ANKRD6: variants seen among roughly 807,000 people sequenced by gnomAD.
The protein encoded by ANKRD6 is ankyrin repeat domain 6.
ANKRD6 carries 56 observed loss-of-function variants against 82.3 expected under a neutral mutation model. The observed-to-expected ratio is 0.68, with a 90% CI of 0.55 to 0.85. The LOEUF (loss-of-function observed/expected upper bound fraction) is 0.85. Among genes scored for constraint, ANKRD6 ranks in the 40% least tolerant of loss-of-function variants. The pLI is 0.00. For synonymous variants in ANKRD6, 347 were observed against 352.1 expected (o/e 0.99, Z 0.16); for missense variants, 852 against 907.6 (o/e 0.94, Z 0.79).
rs146470559 is a variant in ANKRD6 at position 89,630,409 on chromosome 6, C to A, written c.1613-24C>A. 1,288 of 1,592,452 alleles carry A rather than the reference C, an allele frequency of 8.1e-4. 6 individuals are homozygous for A. The highest frequency in any genetic ancestry group is 2.6e-4 in the Non-Finnish European group (308 of 1,168,924). ...CTGTGTGAATGTGGATTTGCTCTCA[C>A]GTTTGTTTTCCTTCTGAAACCAGGT... On this transcript the variant is annotated intron_variant, in intron 15 of 15. Coordinates refer to ENST00000339746, the MANE Select transcript of ANKRD6 (RefSeq NM_001242809.2).
intron 15 of ANKRD6, among the ~76,000 whole-genome samples, chr6:89,629,934 G>A (rs535826174): frequency 3.9e-5 from 6 of 152,308 alleles, no homozygotes; most frequent in Non-Finnish European, 7.3e-5. Flanking sequence ...AGGGCTTGTC[G>A]TGGAGCTCTG....
At chr6:89,577,542 T>C (rs1791397785) in intron 2 of ANKRD6, among the ~76,000 whole-genome samples, 1 of 152,146 alleles carries the variant, frequency 6.6e-6, no homozygotes, top group Non-Finnish European at 1.5e-5. Context: ...GTGCCAAGCA[T>C]TGGCCATAAC....
rs1584032909 is a variant in ANKRD6 at position 89,631,030 on chromosome 6, G to T, written c.*26G>T. ...CACCAATAAAGAGGAAATATGAAAG[G>T]ATTCTTGAAGATTTCCAGTTTTGCA... On this transcript the variant is annotated 3_prime_UTR_variant, in exon 16 of 16. Transcript: ENST00000339746. 1 of 1,469,820 alleles carries T rather than the reference G, an allele frequency of 6.8e-7. No homozygotes were observed. The allele number at this position is 1,469,820 out of a possible 1,614,324, so 91.0% of individuals were successfully genotyped here.
At chr6:89,519,103 C>G (rs1172595881) in intron 1 of ANKRD6, among the ~76,000 whole-genome samples, 1 of 152,158 alleles carries the variant, frequency 6.6e-6, no homozygotes, top group Non-Finnish European at 1.5e-5. Context: ...ACCCTCTCTC[C>G]AAGGATAGTC....
chr6:89,501,965 T>G (rs752372783), intron 1 of ANKRD6, among the ~76,000 whole-genome samples: 25 of 152,246 alleles, frequency 1.6e-4, no homozygotes, highest in Non-Finnish European at 2.6e-4. Flanking sequence ...TCGTTTCACC[T>G]TCATTGGTTT....
At chr6:89,461,299 T>TGG in intron 1 of ANKRD6, among the ~76,000 whole-genome samples, 1 of 152,266 alleles carries the variant, frequency 6.6e-6, no homozygotes, top group South Asian at 2.1e-4. Flanking sequence ...TTTTTGAAAT[T>TGG]GGGATAAGCA....
chr6:89,504,451 T>A (rs1464890437), intron 1 of ANKRD6, among the ~76,000 whole-genome samples: 3 of 152,226 alleles, frequency 2.0e-5, no homozygotes, highest in African/African-American at 7.2e-5. Flanking sequence ...TTGCCCAGGC[T>A]GGAGTGCAGT....
intron 9 of ANKRD6, chr6:89,619,547 T>C (rs1244957521): frequency 6.6e-6 from 1 of 152,236 alleles, no homozygotes; most frequent in Non-Finnish European, 1.5e-5. Context: ...CCCTGTGCAG[T>C]TCTTTTTTGT....
chr6:89,606,167 C>T, intron 5 of ANKRD6, 62 bp downstream of exon 5: 2 of 1,354,394 alleles, frequency 1.5e-6, no homozygotes, highest in Non-Finnish European at 2.0e-6. Flanking sequence ...GGGTTTCTCC[C>T]CCTGTGGGAG....
At chr6:89,464,684 T>C (rs2127777099) in intron 1 of ANKRD6, among the ~76,000 whole-genome samples, 1 of 152,378 alleles carries the variant, frequency 6.6e-6, no homozygotes, top group South Asian at 2.1e-4. Context: ...TATGCATTTC[T>C]ATTTGGAAGT....
Position 89,606,081 on chromosome 6 carries a change from A to G in ANKRD6, c.393A>G (p.Gly131=), listed in dbSNP as rs1435326462. ...SQSAKLLIKA[G]ANVLAKNKAG... is the part of the protein sequence containing the mutation. ...CAGCCAAGCTGCTCATTAAAGCAGG[A>G]GCCAACGTGCTTGCCAAGAACAAGG... The change falls in exon 5 of 16, where the codon GGA becomes GGG. Residue 131 remains glycine, a synonymous_variant. Coordinates refer to ENST00000339746, the MANE Select transcript of ANKRD6 (RefSeq NM_001242809.2). The G allele has an allele frequency of 1.9e-6, 3 of 1,579,444 alleles. No individual in the cohort carries two copies. Among genetic ancestry groups the G allele is most frequent in the South Asian group, 2.3e-5 (2 of 85,412 alleles).
At chr6:89,525,772 A>G (rs774807705) in intron 1 of ANKRD6, among the ~76,000 whole-genome samples, 1 of 152,220 alleles carries the variant, frequency 6.6e-6, no homozygotes, top group African/African-American at 2.4e-5. Flanking sequence ...GTGGGATTTT[A>G]ACATTAAAGC....
At chr6:89,581,786 C>T (rs925131701) in intron 2 of ANKRD6, 6 of 152,272 alleles carry the variant, frequency 3.9e-5, no homozygotes, top group African/African-American at 1.2e-4. Context: ...TTTGTTCTGA[C>T]CCCAAGTATT....
intron 2 of ANKRD6, among the ~76,000 whole-genome samples, chr6:89,577,795 C>A (rs1403748345): frequency 6.6e-6 from 1 of 152,134 alleles, no homozygotes; most frequent in Non-Finnish European, 1.5e-5. Flanking sequence ...CCAGCCTGGG[C>A]ATCAGAGGGA....
chr6:89,598,025 T>C, intron 3 of ANKRD6: 1 of 845,490 alleles, frequency 1.2e-6, no homozygotes, highest in Non-Finnish European at 1.4e-6. Context: ...TTACCTGTCT[T>C]GGATGGTGGG....
At chr6:89,612,170 G>A (rs1231586322) in intron 5 of ANKRD6, 102 bp from the exon 6 acceptor site, 3 of 1,012,330 alleles carry the variant, frequency 3.0e-6, no homozygotes, top group South Asian at 1.6e-5. Flanking sequence ...GAATGTGAGC[G>A]TTGCCTTTTC....
At chr6:89,497,067 T>G (rs546144308) in intron 1 of ANKRD6, among the ~76,000 whole-genome samples, 1 of 152,346 alleles carries the variant, frequency 6.6e-6, no homozygotes, top group African/African-American at 2.4e-5. Flanking sequence ...ATGCTTTCTC[T>G]CTGAACTTTC....
intron 1 of ANKRD6, among the ~76,000 whole-genome samples, chr6:89,524,111 G>A (rs1313759814): frequency 6.6e-6 from 1 of 152,082 alleles, no homozygotes; most frequent in Non-Finnish European, 1.5e-5. Context: ...GCACCCACAG[G>A]AGCTCTTTCT....
At chr6:89,454,082 C>T (rs1314022122) in intron 1 of ANKRD6, among the ~76,000 whole-genome samples, 1 of 152,144 alleles carries the variant, frequency 6.6e-6, no homozygotes, top group Non-Finnish European at 1.5e-5. Flanking sequence ...GGATTACAGG[C>T]ATGAGCCACC....
Sources: allele counts gnomAD v4.1 joint callset (sites outside exome capture counted in the v4.1 genomes callset), GRCh38; gene constraint gnomAD v4.1.1; transcripts MANE v1.5; gene names NCBI Gene and HGNC (gene_info 2026-07-23, HGNC 2026-07-21).